The following PAX6 variants were observed in gnomAD, a reference collection of about 807,000 sequenced individuals.
PAX6 encodes paired box protein Pax-6.
Under a neutral mutation model 60.7 loss-of-function variants are expected in PAX6, and 7 were observed. The ratio of observed to expected loss-of-function variants is 0.12; its 90% CI spans 0.07 to 0.22. The LOEUF (loss-of-function observed/expected upper bound fraction) is 0.22. PAX6 is among the 10% of genes least tolerant of loss of function. The pLI, the probability that PAX6 is intolerant of heterozygous loss-of-function variation, is 1.00. For synonymous variants in PAX6, 208 were observed against 201.2 expected (o/e 1.03, Z -0.29); for missense variants, 355 against 555.2 (o/e 0.64, Z 3.62).
intron 10 of PAX6, 110 bp from the exon 11 acceptor site, chr11:31,793,912 A>T: frequency 7.3e-7 from 1 of 1,371,294 alleles, no homozygotes; most frequent in Non-Finnish European, 1.0e-6. Context: ...CATTTAGCAG[A>T]CTGAACCTTT....
chr11:31,796,645 C>G (rs955071865), intron 8 of PAX6, among the ~76,000 whole-genome samples: 2 of 150,368 alleles, frequency 1.3e-5, no homozygotes, highest in African/African-American at 2.5e-5. Flanking sequence ...AGGGGAAAGA[C>G]AGAGGGCGAT....
intron 9 of PAX6, 57 bp from the exon 10 acceptor site, chr11:31,794,171 C>A: frequency 1.7e-6 from 2 of 1,152,090 alleles, no homozygotes; most frequent in African/African-American, 1.5e-5. Flanking sequence ...ATATGTTGAC[C>A]AAACTGTGCA....
At chr11:31,815,110 T>A (rs966476650), upstream of PAX6, 2 of 151,910 alleles carry the variant, frequency 1.3e-5, no homozygotes, top group African/African-American at 4.8e-5. Flanking sequence ...AGCAAAGGGA[T>A]TCCTAGCAGC....
chr11:31,797,790 T>A (rs1952100565), intron 8 of PAX6, among the ~76,000 whole-genome samples: 1 of 152,154 alleles, frequency 6.6e-6, no homozygotes, highest in East Asian at 1.9e-4. Context: ...ACCCCCACGA[T>A]AAACCTAAGT....
Position 31,794,621 on chromosome 11 carries a change from C to G in PAX6, c.724+9G>C, listed in dbSNP as rs1950952143. 1 of 1,614,040 alleles carries G rather than the reference C, an allele frequency of 6.2e-7. No homozygotes were observed. Among genetic ancestry groups the G allele is most frequent in the Non-Finnish European group, 8.5e-7 (1 of 1,180,022 alleles). Reference sequence around the variant, plus strand: ...TTTACTGCTTCTCTACTTTGAAAAACTCTATCACCTTTCTCCAGGGCCTCA... The same window carrying G: ...TTTACTGCTTCTCTACTTTGAAAAAGTCTATCACCTTTCTCCAGGGCCTCA... On this transcript the variant is annotated intron_variant, in intron 9 of 13. Transcript: ENST00000640368.
chr11:31,812,288 T>TTCTC (rs1163504431), upstream of PAX6: 1 of 121,270 alleles, frequency 8.2e-6, no homozygotes, highest in Non-Finnish European at 1.7e-5. Flanking sequence ...CTGGGAGGGA[T>TTCTC]TCTCTCTCTC....
In PAX6 at chr11:31,816,613, C is replaced by T. The variant is rs1806184; in HGVS notation, c.-317+1196G>A. On this transcript the variant is annotated intron_variant, in intron 1 of 12. Coordinates refer to the PAX6 transcript ENST00000241001. ...CGCCGCCCAGCTCCAGGGAGAGGAA[C>T]CCGCGGAGGAGAGGATCCCGGCCCA... 3.7e-5 allele frequency: 26 copies of T among 702,432 alleles called. No homozygotes were observed. In the East Asian group the frequency reaches 5.4e-4, roughly 14 times the overall value. The allele number at this position is 702,432 out of a possible 1,614,324, so 43.5% of individuals were successfully genotyped here. A position where few individuals can be genotyped will look rare whatever the true frequency, so the allele number is the denominator to read the frequency against.
chr11:31,794,007 G>A (rs1364218613), intron 10 of PAX6, 25 bp downstream of exon 10: 6 of 1,511,704 alleles, frequency 4.0e-6, no homozygotes, highest in Non-Finnish European at 5.5e-6. Context: ...ATCACAAAGT[G>A]TGAAACTGCA....
At chr11:31,811,959 C>T (rs1486010703), upstream of PAX6, 1 of 152,338 alleles carries the variant, frequency 6.6e-6, no homozygotes. Context: ...GCCCAAGCCT[C>T]CAGGGCCTGT....
At chr11:31,812,687 G>C (rs1170517824), upstream of PAX6, 1 of 152,436 alleles carries the variant, frequency 6.6e-6, no homozygotes, top group Non-Finnish European at 1.5e-5. Context: ...CCACGGAGCC[G>C]GGAAGGAGAA....
chr11:31,789,921 T>C lies in PAX6; in HGVS notation c.*13A>G. 2 of 1,499,038 alleles carry C rather than the reference T, an allele frequency of 1.3e-6. No individual in the cohort carries two copies. The highest frequency in any genetic ancestry group is 1.8e-6 in the Non-Finnish European group (2 of 1,118,392). 92.9% of individuals were successfully genotyped at this position (1,499,038 alleles called of 1,614,324 possible). ...CACAATATTTCCTTTCCTTTTTTTT[T>C]TTTTTTTTTTTTTTACTGTAATCTT... On this transcript the variant is annotated 3_prime_UTR_variant, in exon 14 of 14. Coordinates refer to ENST00000640368, the MANE Select transcript of PAX6 (RefSeq NM_001368894.2).
intron 7 of PAX6, chr11:31,801,099 C>A: frequency 1.3e-6 from 1 of 767,042 alleles, no homozygotes; most frequent in Non-Finnish European, 2.0e-6. Context: ...CTTGGTGTCT[C>A]TGGTGACCTA....
At chr11:31,797,407 A>G (rs564094413) in intron 8 of PAX6, among the ~76,000 whole-genome samples, 2 of 151,920 alleles carry the variant, frequency 1.3e-5, no homozygotes, top group Non-Finnish European at 2.9e-5. Flanking sequence ...ACGGGTTTAC[A>G]CAGGCAGCAC....
intron 8 of PAX6, among the ~76,000 whole-genome samples, chr11:31,798,271 C>G (rs918390615): frequency 2.6e-5 from 4 of 152,044 alleles, no homozygotes; most frequent in Non-Finnish European, 5.9e-5. Context: ...ACCAAATCGC[C>G]GGAGAATTGG....
At chr11:31,791,384 G>C (rs1358461610) in intron 12 of PAX6, 1 of 204,004 alleles carries the variant, frequency 4.9e-6, no homozygotes, top group African/African-American at 2.3e-5. Context: ...GATCTGTAAT[G>C]ACCCCAAGTT....
chr11:31,789,899 A>G lies in PAX6; in HGVS notation c.*35T>C, dbSNP rs1279106599. 6.5e-7 allele frequency: 1 copy of G among 1,546,108 alleles called. No homozygotes were observed. Among genetic ancestry groups the G allele is most frequent in the East Asian group, 2.3e-5 (1 of 42,660 alleles). ...CCATAGTCACTGACTGAATTAACAC[A>G]ATATTTCCTTTCCTTTTTTTTTTTT... On this transcript the variant is annotated 3_prime_UTR_variant, in exon 14 of 14. Coordinates refer to ENST00000640368, the MANE Select transcript of PAX6 (RefSeq NM_001368894.2).
At chr11:31,810,562 T>C in intron 2 of PAX6, 1 of 271,838 alleles carries the variant, frequency 3.7e-6, no homozygotes, top group Non-Finnish European at 6.8e-6. Context: ...CAGCCCGCGC[T>C]GGCGCTGGCG....
chr11:31,801,232 GA>G, intron 7 of PAX6: 1 of 1,357,336 alleles, frequency 7.4e-7, no homozygotes, highest in Non-Finnish European at 9.5e-7. Context: ...TGTGACACCT[GA>G]AGGAAAGTTC....
intron 8 of PAX6, among the ~76,000 whole-genome samples, chr11:31,799,966 C>T (rs1449175534): frequency 7.0e-6 from 1 of 143,430 alleles, no homozygotes; most frequent in African/African-American, 2.6e-5. Context: ...CCCCCCCCAT[C>T]CCCCGCTCTT....
Sources: allele counts gnomAD v4.1 joint callset (sites outside exome capture counted in the v4.1 genomes callset), GRCh38; gene constraint gnomAD v4.1.1; transcripts MANE v1.5; gene names NCBI Gene and HGNC (gene_info 2026-07-23, HGNC 2026-07-21).